The following DEPDC1B variants were observed in gnomAD, a reference collection of about 807,000 sequenced individuals.
The protein encoded by DEPDC1B is DEP domain containing 1B.
A neutral mutation model predicts 66.5 loss-of-function variants in DEPDC1B; 51 were observed. The ratio of observed to expected loss-of-function variants is 0.77; its 90% CI spans 0.61 to 0.97. The LOEUF (loss-of-function observed/expected upper bound fraction) is 0.97, where lower values mean the gene tolerates loss of function less well. DEPDC1B is among the 50% of genes least tolerant of loss of function. The probability of loss-of-function intolerance (pLI) is 0.00; values close to 1 mark genes in which losing one functional copy is unlikely to be tolerated. For missense variants in DEPDC1B, 552 were observed against 637.1 expected, an observed-to-expected ratio of 0.87 and a Z score of 1.44; for synonymous variants, 226 against 223.6, an observed-to-expected ratio of 1.01 and a Z score of -0.10.
At chr5:60,673,642 C>G (rs989076118) in intron 2 of DEPDC1B, among the ~76,000 whole-genome samples, 3 of 152,202 alleles carry the variant, frequency 2.0e-5, no homozygotes, top group African/African-American at 7.2e-5. Flanking sequence ...TCCACAAATT[C>G]AGGGAATAGT....
At chr5:60,698,155 C>T (rs1354105248) in intron 1 of DEPDC1B, among the ~76,000 whole-genome samples, 1 of 152,066 alleles carries the variant, frequency 6.6e-6, no homozygotes. Flanking sequence ...GCCTTATTTT[C>T]CTCCCTAAAG....
rs531053869 is a variant in DEPDC1B at position 60,598,436 on chromosome 5, G to T, written c.1429-522C>A. ...GAAGCCCAGAACTCTGGTGCTCTGT[G>T]TGTAATCCCACATGTACGGTGTTCC... is the stretch of plus-strand genomic sequence containing the variant. On this transcript the variant is annotated intron_variant, in intron 10 of 10. Transcript: ENST00000265036. Among the ~76,000 whole-genome samples, 6 of 152,308 alleles carry T rather than the reference G, an allele frequency of 3.9e-5. No homozygotes were observed. The South Asian group carries it at 1.2e-3, about 32-fold the overall frequency.
At chr5:60,605,326 T>A (rs570303427) in intron 8 of DEPDC1B, among the ~76,000 whole-genome samples, 1 of 152,276 alleles carries the variant, frequency 6.6e-6, no homozygotes, top group East Asian at 1.9e-4. Flanking sequence ...TACAAAAAAA[T>A]GATAAGTTGG....
chr5:60,677,671 G>A (rs1402205327), intron 2 of DEPDC1B, among the ~76,000 whole-genome samples: 1 of 151,926 alleles, frequency 6.6e-6, no homozygotes, highest in African/African-American at 2.4e-5. Flanking sequence ...GGAGTAGCTT[G>A]GTCTATGGTA....
At chr5:60,662,474 T>C (rs1000750821) in intron 2 of DEPDC1B, among the ~76,000 whole-genome samples, 2 of 151,874 alleles carry the variant, frequency 1.3e-5, no homozygotes, top group African/African-American at 2.4e-5. Context: ...TTTTTTATAA[T>C]AGAGATCAAG....
intron 9 of DEPDC1B, among the ~76,000 whole-genome samples, chr5:60,602,849 C>G (rs1197200262): frequency 1.3e-5 from 2 of 152,152 alleles, no homozygotes; most frequent in Non-Finnish European, 2.9e-5. Flanking sequence ...AAGGATACAG[C>G]TAGGAATTTG....
At chr5:60,610,681 T>TA (rs1185465183) in intron 7 of DEPDC1B, among the ~76,000 whole-genome samples, 42 of 152,234 alleles carry the variant, frequency 2.8e-4, no homozygotes, top group African/African-American at 1.0e-3. Context: ...ATCATCCACA[T>TA]ATTATGTTTT....
At chr5:60,698,469 A>G (rs891391874) in intron 1 of DEPDC1B, among the ~76,000 whole-genome samples, 1 of 152,230 alleles carries the variant, frequency 6.6e-6, no homozygotes, top group Admixed American at 6.5e-5. Context: ...GGCCCAGGTA[A>G]CAGCCAGGAC....
chr5:60,695,771 T>A (rs1465582487), intron 1 of DEPDC1B, among the ~76,000 whole-genome samples: 1 of 152,198 alleles, frequency 6.6e-6, no homozygotes, highest in Non-Finnish European at 1.5e-5. Context: ...GCCCCTGTCT[T>A]CTTTGTAAGG....
Position 60,597,735 on chromosome 5 carries a change from G to A in DEPDC1B, c.*18C>T. On this transcript the variant is annotated 3_prime_UTR_variant, in exon 11 of 11. Coordinates refer to ENST00000265036, the MANE Select transcript of DEPDC1B (RefSeq NM_018369.3). ...ACAACAACAGTGGTCTCTAGCACCT[G>A]TTGCTGTGGAAGTATTATTACATTC... The A allele has an allele frequency of 6.2e-7, 1 of 1,609,398 alleles. No individual in the cohort carries two copies. Among genetic ancestry groups the A allele is most frequent in the Non-Finnish European group, 8.5e-7 (1 of 1,178,630 alleles).
At chr5:60,683,695 T>C (rs1754349243) in intron 2 of DEPDC1B, among the ~76,000 whole-genome samples, 1 of 152,006 alleles carries the variant, frequency 6.6e-6, no homozygotes, top group Admixed American at 6.5e-5. Context: ...CTCTAAGAAT[T>C]AGAACAAGAT....
At chr5:60,664,690 G>A (rs962363581) in intron 2 of DEPDC1B, among the ~76,000 whole-genome samples, 1 of 152,110 alleles carries the variant, frequency 6.6e-6, no homozygotes, top group Admixed American at 6.5e-5. Context: ...AGTATGCAGT[G>A]GTCAGTGACA....
At chr5:60,616,077 G>A (rs1584031471) in intron 7 of DEPDC1B, among the ~76,000 whole-genome samples, 1 of 152,148 alleles carries the variant, frequency 6.6e-6, no homozygotes, top group East Asian at 1.9e-4. Flanking sequence ...CTGCAGCTGA[G>A]GGTCCTAACT....
chr5:60,597,480 C>A lies in DEPDC1B; in HGVS notation c.*273G>T. ...AAAGAAAGCACAGAGATAAAAATAC[C>A]CTTAAATTCTGTAGCAATTACAAAC... On this transcript the variant is annotated 3_prime_UTR_variant, in exon 11 of 11. Transcript: ENST00000265036. 1 of 278,824 alleles carries A rather than the reference C, an allele frequency of 3.6e-6. No homozygotes were observed. 17.3% of individuals were successfully genotyped at this position (278,824 alleles called of 1,614,324 possible).
chr5:60,663,940 T>C (rs11739209), intron 2 of DEPDC1B, among the ~76,000 whole-genome samples: 89,323 of 152,118 alleles, frequency 0.59, 26,426 homozygotes, highest in East Asian at 0.77. Flanking sequence ...ATCCTCATCC[T>C]AAAACCCTGA....
At chr5:60,697,976 C>T (rs930643533) in intron 1 of DEPDC1B, among the ~76,000 whole-genome samples, 5 of 152,048 alleles carry the variant, frequency 3.3e-5, no homozygotes, top group African/African-American at 9.7e-5. Flanking sequence ...AAAAGAAGTA[C>T]CTCATACAAT....
intron 7 of DEPDC1B, among the ~76,000 whole-genome samples, chr5:60,612,222 A>G (rs1359959598): frequency 6.6e-6 from 1 of 152,186 alleles, no homozygotes; most frequent in Non-Finnish European, 1.5e-5. Flanking sequence ...CTGGAGCTCA[A>G]GTCCAGCCTG....
intron 7 of DEPDC1B, among the ~76,000 whole-genome samples, chr5:60,619,869 A>G (rs1752660900): frequency 6.6e-6 from 1 of 152,244 alleles, no homozygotes; most frequent in African/African-American, 2.4e-5. Context: ...TGGAGGCATC[A>G]CGGTACCTGA....
At chr5:60,672,965 C>A (rs1361059842) in intron 2 of DEPDC1B, among the ~76,000 whole-genome samples, 1 of 152,158 alleles carries the variant, frequency 6.6e-6, no homozygotes, top group Non-Finnish European at 1.5e-5. Context: ...AACTCACTGA[C>A]TAACCTTTGA....
Sources: allele counts gnomAD v4.1 joint callset (sites outside exome capture counted in the v4.1 genomes callset), GRCh38; gene constraint gnomAD v4.1.1; transcripts MANE v1.5; gene names NCBI Gene and HGNC (gene_info 2026-07-23, HGNC 2026-07-21).